The following MDGA2 variants were observed in gnomAD, a reference collection of about 807,000 sequenced individuals.
The protein encoded by MDGA2 is MAM domain containing glycosylphosphatidylinositol anchor 2.
MDGA2 carries 40 observed loss-of-function variants against 117.8 expected under a neutral mutation model. The observed-to-expected ratio is 0.34, with a 90% CI of 0.26 to 0.44. The LOEUF (loss-of-function observed/expected upper bound fraction) is 0.44. MDGA2 is among the 20% of genes least tolerant of loss of function. The pLI is 1.00. For synonymous variants in MDGA2, 452 were observed against 439.0 expected (o/e 1.03, Z -0.37); for missense variants, 1,123 against 1,250.6 (o/e 0.90, Z 1.54).
At chr14:47,645,844 G>A (rs1186376762) in intron 1 of MDGA2, among the ~76,000 whole-genome samples, 1 of 151,614 alleles carries the variant, frequency 6.6e-6, no homozygotes, top group East Asian at 2.0e-4. Context: ...AAGCCGAGGC[G>A]GGTGGATCAC....
intron 1 of MDGA2, among the ~76,000 whole-genome samples, chr14:47,334,457 C>A (rs112462821): frequency 6.6e-6 from 1 of 151,754 alleles, no homozygotes; most frequent in Admixed American, 6.6e-5. Context: ...ATCACTGAAC[C>A]TCCGGAAGCA....
chr14:47,374,804 G>T (rs1424421324), intron 1 of MDGA2, among the ~76,000 whole-genome samples: 1 of 151,898 alleles, frequency 6.6e-6, no homozygotes, highest in African/African-American at 2.4e-5. Context: ...ATTTGTAATG[G>T]TATGCCTTCT....
chr14:47,574,819 C>G (rs1214652454), intron 1 of MDGA2, among the ~76,000 whole-genome samples: 1 of 152,066 alleles, frequency 6.6e-6, no homozygotes, highest in Non-Finnish European at 1.5e-5. Flanking sequence ...AATAATCTGC[C>G]CAAAGTTATG....
chr14:47,084,719 A>C (rs1203215173), intron 6 of MDGA2, among the ~76,000 whole-genome samples: 9 of 152,152 alleles, frequency 5.9e-5, no homozygotes. Context: ...GATTACACCC[A>C]TATAAGAGTT....
At chr14:47,607,627 G>A (rs955771339) in intron 1 of MDGA2, among the ~76,000 whole-genome samples, 5 of 152,088 alleles carry the variant, frequency 3.3e-5, no homozygotes, top group Non-Finnish European at 1.5e-5. Context: ...TAGAGGGCAG[G>A]GGGTTAGAGG....
At chr14:46,874,613 CTTTAAG>C (rs910678066) in intron 12 of MDGA2, among the ~76,000 whole-genome samples, 3 of 151,672 alleles carry the variant, frequency 2.0e-5, no homozygotes, top group Non-Finnish European at 4.4e-5. Flanking sequence ...AATTGGTATA[CTTTAAG>C]TTTATAATTT....
intron 2 of MDGA2, among the ~76,000 whole-genome samples, chr14:47,259,805 A>G (rs556494541): frequency 6.6e-6 from 1 of 152,222 alleles, no homozygotes; most frequent in Admixed American, 6.6e-5. Flanking sequence ...AGAGGGACCC[A>G]GGGGCTGAGC....
chr14:47,363,171 A>G (rs1891159914), intron 1 of MDGA2, among the ~76,000 whole-genome samples: 1 of 152,128 alleles, frequency 6.6e-6, no homozygotes, highest in Non-Finnish European at 1.5e-5. Context: ...TTTTATACAT[A>G]CTATTAGACT....
At chr14:47,492,242 G>A (rs1429034776) in intron 1 of MDGA2, among the ~76,000 whole-genome samples, 12 of 152,044 alleles carry the variant, frequency 7.9e-5, no homozygotes, top group Admixed American at 1.3e-4. Flanking sequence ...CCCAAAGTGC[G>A]TATCAAATTT....
intron 3 of MDGA2, among the ~76,000 whole-genome samples, chr14:47,156,069 G>C (rs981168671): frequency 6.6e-6 from 1 of 151,074 alleles, no homozygotes; most frequent in Non-Finnish European, 1.5e-5. Flanking sequence ...CCACTACCCC[G>C]GCTAATTTTT....
At chr14:47,546,998 AAAC>A (rs1218595808) in intron 1 of MDGA2, among the ~76,000 whole-genome samples, 1 of 152,172 alleles carries the variant, frequency 6.6e-6, no homozygotes, top group Non-Finnish European at 1.5e-5. Flanking sequence ...CAAAGGAACA[AAAC>A]AAGTTGTTTT....
At chr14:47,271,348 T>C (rs1217186516) in intron 2 of MDGA2, among the ~76,000 whole-genome samples, 1 of 152,184 alleles carries the variant, frequency 6.6e-6, no homozygotes, top group Non-Finnish European at 1.5e-5. Context: ...AAAAGTACAG[T>C]GCGAGCAAGT....
chr14:47,357,307 G>T (rs1891017122), intron 1 of MDGA2, among the ~76,000 whole-genome samples: 1 of 152,202 alleles, frequency 6.6e-6, no homozygotes, highest in South Asian at 2.1e-4. Flanking sequence ...CCCTTGGGGG[G>T]TTTGCATGCC....
intron 1 of MDGA2, among the ~76,000 whole-genome samples, chr14:47,515,960 C>T (rs149170369): frequency 3.3e-5 from 5 of 152,266 alleles, no homozygotes; most frequent in African/African-American, 1.2e-4. Flanking sequence ...AAGTTAAAGA[C>T]TGCCTGCATT....
intron 1 of MDGA2, among the ~76,000 whole-genome samples, chr14:47,597,845 TACACACAC>T (rs35221587): frequency 0.023 from 3,226 of 141,356 alleles, 111 homozygotes; most frequent in African/African-American, 0.077. Context: ...CACACACACA[TACACACAC>T]ACACACACAC....
At chr14:47,250,199 A>C (rs1373411106) in intron 2 of MDGA2, among the ~76,000 whole-genome samples, 1 of 152,244 alleles carries the variant, frequency 6.6e-6, no homozygotes, top group African/African-American at 2.4e-5. Context: ...GCCATCTATC[A>C]GAATACTTTA....
chr14:46,944,366 T>C (rs1885098165), intron 9 of MDGA2, among the ~76,000 whole-genome samples: 1 of 152,030 alleles, frequency 6.6e-6, no homozygotes, highest in South Asian at 2.1e-4. Flanking sequence ...ATATCATTTT[T>C]TTTTCTGGCT....
intron 1 of MDGA2, among the ~76,000 whole-genome samples, chr14:47,542,529 T>G (rs1895373433): frequency 6.6e-6 from 1 of 152,300 alleles, no homozygotes; most frequent in African/African-American, 2.4e-5. Flanking sequence ...GCTTTTTCAG[T>G]TTTTATTTAA....
chr14:47,463,327 G>C lies in MDGA2; in HGVS notation c.281-161777C>G, dbSNP rs1268698629. Among the ~76,000 whole-genome samples, 4 of 152,248 alleles carry C rather than the reference G, an allele frequency of 2.6e-5. No individual in the cohort carries two copies. In the East Asian group the frequency reaches 5.8e-4, roughly 22 times the overall value. On this transcript the variant is annotated intron_variant, in intron 1 of 16. Transcript: ENST00000399232. Reference sequence around the variant, plus strand: ...AACATATAGTGCAATGATGGATATTGTGTGGACTATATGTCTTAGCCCTTG... The same window carrying C: ...AACATATAGTGCAATGATGGATATTCTGTGGACTATATGTCTTAGCCCTTG...
Sources: gnomAD v4.1 joint callset for allele counts (sites outside exome capture counted in the v4.1 genomes callset) on GRCh38, gnomAD v4.1.1 for gene constraint, MANE v1.5 for transcripts, NCBI Gene and HGNC (gene_info 2026-07-23, HGNC 2026-07-21) for gene names.